The following ABCA3 variants were observed in gnomAD, a reference collection of about 807,000 sequenced individuals.
ABCA3 encodes the protein phospholipid-transporting ATPase ABCA3.
A neutral mutation model predicts 172.8 loss-of-function variants in ABCA3; 88 were observed. That is an observed-to-expected ratio of 0.51 (90% CI 0.43 to 0.61). The LOEUF (loss-of-function observed/expected upper bound fraction) is 0.61. Among genes scored for constraint, ABCA3 ranks in the 20% least tolerant of loss-of-function variants. The probability of loss-of-function intolerance (pLI) is 0.00; values close to 1 mark genes in which losing one functional copy is unlikely to be tolerated. For missense variants in ABCA3, 2,164 were observed against 2,301.0 expected, an observed-to-expected ratio of 0.94 and a Z score of 1.22; for synonymous variants, 1,066 against 983.8, an observed-to-expected ratio of 1.08 and a Z score of -1.56.
At chr16:2,309,167 C>T (rs1292048546) in intron 10 of ABCA3, among the ~76,000 whole-genome samples, 4 of 152,288 alleles carry the variant, frequency 2.6e-5, no homozygotes, top group East Asian at 1.9e-4. Flanking sequence ...AGGATGGTCT[C>T]GATCTCCTGA....
rs759767835 is a variant in ABCA3, at chr16:2,284,853, T to G, written c.3629A>C (p.Tyr1210Ser). The change falls in exon 24 of 33, where the codon TAC (tyrosine) becomes TCC (serine). Residue 1210 changes from tyrosine (Y) to serine (S), a missense_variant. By Grantham distance (144) the Tyr-to-Ser change is moderately radical. This residue lies in a region of ABCA3 where 795 missense variants were observed against 881.9 expected (regional missense o/e 0.90). Coordinates refer to ENST00000301732, the MANE Select transcript of ABCA3 (RefSeq NM_001089.3). The surrounding 1 kb of genome is among the most constrained non-coding windows in gnomAD (Gnocchi z 5.9). The part of the protein sequence containing the change: ...NFFFLGAATA[Y>S]TRLTIFNILS... ...GATGTTGAAGATGGTCAGCCTCGTG[T>G]AGGCAGTGGCCGCCCCCAAGAAGAA... is the stretch of plus-strand genomic sequence containing the variant. 1.2e-6 allele frequency: 2 copies of G among 1,613,860 alleles called. No homozygotes were observed. Among genetic ancestry groups the G allele is most frequent in the Non-Finnish European group, 1.7e-6 (2 of 1,179,956 alleles).
intron 1 of ABCA3, among the ~76,000 whole-genome samples, chr16:2,335,913 G>A (rs2093750984): frequency 6.6e-6 from 1 of 152,222 alleles, no homozygotes; most frequent in African/African-American, 2.4e-5. Flanking sequence ...ATTTCAAAGA[G>A]TCAGAGAATT....
rs767578159 is a variant in ABCA3, at chr16:2,300,086, G to A, written c.1530C>T (p.Pro510=). 1.1e-5 allele frequency: 18 copies of A among 1,613,390 alleles called. No individual in the cohort carries two copies. Among genetic ancestry groups the A allele is most frequent in the Middle Eastern group, 1.6e-4 (1 of 6,084 alleles). ...AGTACTCGTTTCTGAGTGCTTTCTC[G>A]GGGTCACTGTCTTCTTCCTCCTTCC... is the stretch of plus-strand genomic sequence containing the variant. ...VAGKEEEDSD[P]EKALRNEYFE... Residue 510 remains proline, a synonymous_variant, in exon 13 of 33, where the codon CCC becomes CCT. Coordinates refer to ENST00000301732, the MANE Select transcript of ABCA3 (RefSeq NM_001089.3).
Position 2,277,903 on chromosome 16 carries a change from C to T in ABCA3, c.4885G>A (p.Ala1629Thr). 1 of 1,610,170 alleles carries T rather than the reference C, an allele frequency of 6.2e-7. No homozygotes were observed. The change falls in exon 31 of 33, where the codon GCC (alanine) becomes ACC (threonine). Residue 1629 changes from alanine to threonine, a missense_variant. This residue lies in a region of ABCA3 where 795 missense variants were observed against 881.9 expected (regional missense o/e 0.90). Coordinates refer to ENST00000301732, the MANE Select transcript of ABCA3 (RefSeq NM_001089.3). The surrounding 1 kb of genome is among the most constrained non-coding windows in gnomAD (Gnocchi z 5.3). ...GQQEALEEFKAFVDLTFPGSV... is the reference protein window; with the variant it reads ...GQQEALEEFKTFVDLTFPGSV... ...CCTGGAAAGGTCAGGTCCACGAAGG[C>T]CTTGAACTCCTCCAGCGCCTCCTGT...
rs569669670 is a variant in ABCA3, at chr16:2,286,105, G to A, written c.3279-459C>T. Among the ~76,000 whole-genome samples the A allele has an allele frequency of 9.2e-5, 14 of 152,346 alleles. No homozygotes were observed. The South Asian group carries it at 2.3e-3, about 25-fold the overall frequency. ...AGCCAGAAGCTGGGACGCAGCCATC[G>A]CCAGGCCTAGGCCTAGCCTGGAATG... is the stretch of plus-strand genomic sequence containing the variant. On this transcript the variant is annotated intron_variant, in intron 22 of 32. Coordinates refer to ENST00000301732, the MANE Select transcript of ABCA3 (RefSeq NM_001089.3). The surrounding 1 kb of genome is among the most constrained non-coding windows in gnomAD (Gnocchi z 5.2).
intron 7 of ABCA3, among the ~76,000 whole-genome samples, chr16:2,320,547 G>A (rs1011128346): frequency 1.5e-4 from 22 of 151,130 alleles, no homozygotes; most frequent in Admixed American, 7.9e-4. Context: ...ACACCACCAC[G>A]CCCAGCTAAT....
At position 2,317,763 on chromosome 16, in the gene ABCA3, T is replaced by A. The variant is rs149989682; in HGVS notation, c.875A>T (p.Glu292Val). ...VVQEKERRLK[E>V]YMRMMGLSSW... ...GCTGAGCCCCATCATGCGCATGTAC[T>A]CCTGGGGAGAGAAGCCATCACGCTG... Residue 292 changes from glutamate to valine, a missense_variant and splice_region_variant, in exon 9 of 33, where the codon GAG becomes GTG. Glu to Val is a moderately radical substitution (Grantham distance 121). Coordinates refer to ENST00000301732, the MANE Select transcript of ABCA3 (RefSeq NM_001089.3). 4.5e-3 allele frequency: 7,316 copies of A among 1,613,934 alleles called. 20 individuals carry two copies. Among genetic ancestry groups the A allele is most frequent in the Non-Finnish European group, 5.8e-3 (6,829 of 1,179,822 alleles).
At chr16:2,340,040 A>G (rs2093758065) in intron 1 of ABCA3, among the ~76,000 whole-genome samples, 1 of 152,196 alleles carries the variant, frequency 6.6e-6, no homozygotes, top group Non-Finnish European at 1.5e-5. Flanking sequence ...TGGGCCTTGG[A>G]TTCGGATTTG....
At chr16:2,294,563 C>T (rs1355252850) in intron 18 of ABCA3, among the ~76,000 whole-genome samples, 1 of 152,108 alleles carries the variant, frequency 6.6e-6, no homozygotes, top group Non-Finnish European at 1.5e-5. Context: ...TGATACACAC[C>T]TGTAGTCCCA....
chr16:2,289,698 T>C (rs2093668891), intron 19 of ABCA3, 78 bp from the exon 20 acceptor site: 1 of 1,476,056 alleles, frequency 6.8e-7, no homozygotes, highest in African/African-American at 1.4e-5. Context: ...TTAGAGGCAC[T>C]GAGGGGAGCA....
At chr16:2,338,794 G>A (rs1427686808) in intron 1 of ABCA3, among the ~76,000 whole-genome samples, 4 of 131,386 alleles carry the variant, frequency 3.0e-5, no homozygotes, top group East Asian at 2.1e-4. Flanking sequence ...TTGCTCTGTC[G>A]CCCAGGCTGG....
At chr16:2,339,940 C>A (rs1283511565) in intron 1 of ABCA3, among the ~76,000 whole-genome samples, 1 of 152,264 alleles carries the variant, frequency 6.6e-6, no homozygotes, top group Non-Finnish European at 1.5e-5. Context: ...CGGCCTCCGG[C>A]GACTGCCACA....
intron 10 of ABCA3, among the ~76,000 whole-genome samples, chr16:2,316,371 G>A (rs1309189324): frequency 6.5e-5 from 9 of 138,444 alleles, no homozygotes; most frequent in African/African-American, 7.9e-5. Context: ...AAGGCCAAGC[G>A]CAGTGGCTCA....
chr16:2,311,559 G>A (rs2093706769), intron 10 of ABCA3, among the ~76,000 whole-genome samples: 1 of 151,882 alleles, frequency 6.6e-6, no homozygotes, highest in African/African-American at 2.4e-5. Flanking sequence ...GTCTCGCTCT[G>A]TCGCCCAGGC....
At position 2,283,306 on chromosome 16, in the gene ABCA3, C is replaced by G. The variant is rs2093657943; in HGVS notation, c.3915G>C (p.Arg1305=). The change falls in exon 26 of 33, where the codon CGG becomes CGC. Residue 1305 remains arginine (R), a synonymous_variant. Transcript: ENST00000301732. The surrounding 1 kb of genome is among the most constrained non-coding windows in gnomAD (Gnocchi z 5.4). ...FYAWSAPGVG[R]FVASMAASGC... ...CTGAGGCGGCCATGGAGGCCACAAA[C>G]CGGCCGACCCCCGGGGCGCTCCAGG... 1 of 1,613,206 alleles carries G rather than the reference C, an allele frequency of 6.2e-7. No homozygotes were observed. The highest frequency in any genetic ancestry group is 1.1e-5 in the South Asian group (1 of 91,080).
At chr16:2,317,136 C>T in intron 10 of ABCA3, 147 bp downstream of exon 10, 5 of 1,233,620 alleles carry the variant, frequency 4.1e-6, no homozygotes, top group Non-Finnish European at 5.8e-6. Context: ...GACTTTCCTC[C>T]TTCCAGTCCA....
In ABCA3 at chr16:2,281,901, T is replaced by G. The variant is rs1363110146; in HGVS notation, c.4036-392A>C. 6.6e-6 allele frequency among the ~76,000 whole-genome samples: 1 copy of G among 151,254 alleles called. No individual in the cohort carries two copies. The highest frequency in any genetic ancestry group is 2.4e-5 in the African/African-American group (1 of 41,084). ...CTCACTGCAAACTCTGCCTCCCAGG[T>G]TCAACTGATTCTCCTGCTTCAGCCT... is the stretch of plus-strand genomic sequence containing the variant. On this transcript the variant is annotated intron_variant, in intron 26 of 32. Coordinates refer to ENST00000301732, the MANE Select transcript of ABCA3 (RefSeq NM_001089.3). The surrounding 1 kb of genome is among the most constrained non-coding windows in gnomAD (Gnocchi z 4.7).
At chr16:2,295,247 G>A (rs983844475) in intron 18 of ABCA3, among the ~76,000 whole-genome samples, 65 of 152,194 alleles carry the variant, frequency 4.3e-4, no homozygotes, top group African/African-American at 1.5e-3. Context: ...ATACAGACTC[G>A]GTTTCACGAG....
rs2093660624 is a variant in ABCA3, at chr16:2,284,992, A to C, written c.3490T>G (p.Phe1164Val). The change falls in exon 24 of 33, where the codon TTT becomes GTT. Residue 1164 changes from phenylalanine (F) to valine (V), a missense_variant. Phe to Val is a conservative substitution (Grantham distance 50, BLOSUM62 -1). This residue lies in a region of ABCA3 where 795 missense variants were observed against 881.9 expected (regional missense o/e 0.90). Transcript: ENST00000301732. This position sits in a 1 kb window ranked among gnomAD's most constrained non-coding sequence, Gnocchi z 5.9. ...LIPSLLLLVV[F>V]KAFDVRAFTR... is the part of the protein sequence containing the mutation. The stretch of plus-strand genomic sequence containing the variant: ...AAGGCACGCACGTCGAAGGCCTTAA[A>C]CACCACCTGCGGCGGCACAGGGAGG... 5 of 1,612,806 alleles carry C rather than the reference A, an allele frequency of 3.1e-6. No individual in the cohort carries two copies. The highest frequency in any genetic ancestry group is 1.3e-5 in the African/African-American group (1 of 74,896).
Sources: allele counts gnomAD v4.1 joint callset (sites outside exome capture counted in the v4.1 genomes callset), GRCh38; gene constraint gnomAD v4.1.1; regional missense constraint gnomAD v4.1.1; non-coding constraint Gnocchi (gnomAD v3.1); transcripts MANE v1.5; gene names NCBI Gene and HGNC (gene_info 2026-07-23, HGNC 2026-07-21).